Variants in TNRC6C observed in about 807,000 individuals in gnomAD.
TNRC6C encodes the protein trinucleotide repeat containing adaptor 6C.
A neutral mutation model predicts 153.7 loss-of-function variants in TNRC6C; 20 were observed. The ratio of observed to expected loss-of-function variants is 0.13; its 90% CI spans 0.09 to 0.19. TNRC6C has a LOEUF of 0.19. Among genes scored for constraint, TNRC6C ranks in the 10% least tolerant of loss-of-function variants. The pLI is 1.00. For synonymous variants in TNRC6C, 811 were observed against 841.4 expected, an observed-to-expected ratio of 0.96 and a Z score of 0.63; for missense variants, 1,987 against 2,172.0, an observed-to-expected ratio of 0.91 and a Z score of 1.69.
intron 1 of TNRC6C, among the ~76,000 whole-genome samples, chr17:77,964,466 CTT>C (rs1463792912): frequency 6.6e-6 from 1 of 152,162 alleles, no homozygotes; most frequent in Non-Finnish European, 1.5e-5. Context: ...GGAATATGTG[CTT>C]TGTTTGATTC....
chr17:78,098,674 G>T, intron 17 of TNRC6C, 137 bp downstream of exon 20: 1 of 935,500 alleles, frequency 1.1e-6, no homozygotes, highest in Non-Finnish European at 1.6e-6. Context: ...GGGCACCAGG[G>T]CCACCCTAGA....
chr17:78,049,009 G>T lies in TNRC6C; in HGVS notation c.-54G>T. The T allele has an allele frequency of 7.0e-7, 1 of 1,431,502 alleles. No individual in the cohort carries two copies. Among genetic ancestry groups the T allele is most frequent in the Non-Finnish European group, 9.2e-7 (1 of 1,091,322 alleles). 88.7% of individuals were successfully genotyped at this position (1,431,502 alleles called of 1,614,324 possible). On this transcript the variant is annotated 5_prime_UTR_variant, in exon 3 of 20. Transcript: ENST00000301624. The surrounding 1 kb of genome is among the most constrained non-coding windows in gnomAD (Gnocchi z 4.1). The stretch of plus-strand genomic sequence containing the variant: ...AGGAACAGAGACTGAATCTGCCTCA[G>T]AATGTACTACAGACACTGACTCTGC...
At chr17:77,978,089 G>T (rs1047015865) in intron 1 of TNRC6C, among the ~76,000 whole-genome samples, 4 of 151,786 alleles carry the variant, frequency 2.6e-5, no homozygotes, top group African/African-American at 9.7e-5. Context: ...AGTAGGCACG[G>T]GGTTTCACCA....
At chr17:77,991,351 C>T (rs1187819682) in intron 1 of TNRC6C, among the ~76,000 whole-genome samples, 1 of 152,118 alleles carries the variant, frequency 6.6e-6, no homozygotes, top group Non-Finnish European at 1.5e-5. Context: ...GGCAGCCATC[C>T]ACTGGTTCCA....
At chr17:78,080,402 C>G (rs1387632856) in intron 10 of TNRC6C, among the ~76,000 whole-genome samples, 1 of 152,006 alleles carries the variant, frequency 6.6e-6, no homozygotes, top group South Asian at 2.1e-4. Context: ...GCCAAGATCA[C>G]ACCATTGCAC....
chr17:78,029,302 A>G (rs2072011242), intron 1 of TNRC6C, among the ~76,000 whole-genome samples: 1 of 152,222 alleles, frequency 6.6e-6, no homozygotes. Context: ...GTGCAAACCC[A>G]GATGGTACAG....
Position 78,049,878 on chromosome 17 carries a change from T to C in TNRC6C, c.816T>C (p.Thr272=). 6.2e-7 allele frequency: 1 copy of C among 1,614,058 alleles called. No individual in the cohort carries two copies. Among genetic ancestry groups the C allele is most frequent in the Non-Finnish European group, 8.5e-7 (1 of 1,179,908 alleles). Residue 272 remains threonine, a synonymous_variant, in exon 3 of 20, where the codon ACT becomes ACC. Transcript: ENST00000301624. The surrounding 1 kb of genome is among the most constrained non-coding windows in gnomAD (Gnocchi z 4.1). Reference sequence around the variant, plus strand: ...GGTTCAGTCAGGGGAATGGAGACACTGTGAACTCAGCATTAAGTGCTAAAC... The same window carrying C: ...GGTTCAGTCAGGGGAATGGAGACACCGTGAACTCAGCATTAAGTGCTAAAC...
At chr17:78,066,303 A>G (rs1418465914) in intron 4 of TNRC6C, 2 of 151,072 alleles carry the variant, frequency 1.3e-5, no homozygotes, top group Non-Finnish European at 2.9e-5. Context: ...TAGATGTCCT[A>G]GATCTTAAAA....
At chr17:78,091,338 A>G (rs2073389780) in intron 13 of TNRC6C, 102 bp from the exon 16 acceptor site, 1 of 1,324,738 alleles carries the variant, frequency 7.5e-7, no homozygotes, top group South Asian at 2.1e-5. Flanking sequence ...AAAAAAAAAA[A>G]AAATTTGCTG....
chr17:78,071,423 C>CTT (rs997063649), intron 6 of TNRC6C, among the ~76,000 whole-genome samples: 1 of 146,506 alleles, frequency 6.8e-6, no homozygotes. Flanking sequence ...ATAGAAAATG[C>CTT]TTTTTTTTTT....
In TNRC6C at chr17:77,987,824, C is replaced by A. The variant is rs185849286; in HGVS notation, c.-37-16346C>A. On this transcript the variant is annotated intron_variant, in intron 1 of 22. Coordinates refer to the TNRC6C transcript ENST00000636222. ...CCTCCCAAGTAGCTGGGATTACAGG[C>A]ATACACCACCATGCCTGGCTAATTT... 1.3e-3 allele frequency among the ~76,000 whole-genome samples: 197 copies of A among 152,200 alleles called. 1 individual carries two copies. The highest frequency in any genetic ancestry group is 4.5e-3 in the African/African-American group (187 of 41,550).
intron 4 of TNRC6C, 134 bp downstream of exon 6, chr17:78,065,071 A>C: frequency 9.5e-7 from 1 of 1,050,726 alleles, no homozygotes; most frequent in Non-Finnish European, 1.4e-6. Context: ...AGTCTTGGCC[A>C]AGCACAGTGC....
At chr17:78,106,258 A>G (rs1026955927) in exon 20 of TNRC6C, 5 of 152,010 alleles carry the variant, frequency 3.3e-5, no homozygotes, top group Admixed American at 6.5e-5. Flanking sequence ...GGAATTAAAA[A>G]AAAAAAAAGA....
intron 17 of TNRC6C, among the ~76,000 whole-genome samples, chr17:78,101,841 A>G (rs1479044232): frequency 6.6e-6 from 1 of 152,040 alleles, no homozygotes; most frequent in Non-Finnish European, 1.5e-5. Flanking sequence ...CCTTGCCCTC[A>G]TTCCGGTACA....
chr17:78,081,987 A>T (rs2073189067), intron 10 of TNRC6C, among the ~76,000 whole-genome samples: 1 of 150,908 alleles, frequency 6.6e-6, no homozygotes, highest in Non-Finnish European at 1.5e-5. Context: ...TTTCTTTCTT[A>T]TTCTTTACGT....
intron 1 of TNRC6C, among the ~76,000 whole-genome samples, chr17:78,007,420 A>T (rs554922717): frequency 3.9e-5 from 6 of 152,250 alleles, no homozygotes; most frequent in African/African-American, 1.4e-4. Flanking sequence ...GTTCAAACCA[A>T]AATTCATTGC....
At position 78,104,174 on chromosome 17, in the gene TNRC6C, G is replaced by A. The variant is rs1227044502; in HGVS notation, c.4713-311G>A. Among the ~76,000 whole-genome samples the A allele has an allele frequency of 6.6e-6, 1 of 152,200 alleles. No individual in the cohort carries two copies. Among genetic ancestry groups the A allele is most frequent in the Non-Finnish European group, 1.5e-5 (1 of 68,036 alleles). On this transcript the variant is annotated intron_variant, in intron 19 of 19. Coordinates refer to ENST00000301624, the Ensembl canonical transcript of TNRC6C. The surrounding 1 kb of genome is among the most constrained non-coding windows in gnomAD (Gnocchi z 6.2). The stretch of plus-strand genomic sequence containing the variant: ...AGACCTGATCAGTAACATCACTTGA[G>A]ACGTTGGAACCTAGAAATTAGTCAT...
At chr17:78,005,480 C>T (rs964111990) in intron 1 of TNRC6C, among the ~76,000 whole-genome samples, 3 of 152,124 alleles carry the variant, frequency 2.0e-5, no homozygotes, top group Admixed American at 6.5e-5. Context: ...TCTGGATTCC[C>T]TCTTTGCTTA....
At chr17:78,071,205 C>G (rs978506392) in intron 6 of TNRC6C, 40 bp downstream of exon 8, 5 of 1,556,688 alleles carry the variant, frequency 3.2e-6, no homozygotes, top group Non-Finnish European at 3.5e-6. Context: ...ACCATGCTTC[C>G]CAAAATGAAA....
Sources: allele counts gnomAD v4.1 joint callset (sites outside exome capture counted in the v4.1 genomes callset), GRCh38; gene constraint gnomAD v4.1.1; non-coding constraint Gnocchi (gnomAD v3.1); transcripts MANE v1.5; gene names NCBI Gene and HGNC (gene_info 2026-07-23, HGNC 2026-07-21).